Variants in ITGB1 observed in about 807,000 individuals in gnomAD.
ITGB1 encodes integrin subunit beta 1, also known as integrin beta-1.
A neutral mutation model predicts 86.5 loss-of-function variants in ITGB1; 24 were observed. The observed-to-expected ratio is 0.28, with a 90% CI of 0.20 to 0.39. The LOEUF (loss-of-function observed/expected upper bound fraction) is 0.39. Among genes scored for constraint, ITGB1 ranks in the 10% least tolerant of loss-of-function variants. The probability of loss-of-function intolerance (pLI) is 1.00; values close to 1 mark genes in which losing one functional copy is unlikely to be tolerated. For missense variants in ITGB1, 556 were observed against 946.9 expected (o/e 0.59, Z 5.42); for synonymous variants, 323 against 316.8 (o/e 1.02, Z -0.21).
At chr10:32,914,453 TA>T (rs1468203874) in intron 11 of ITGB1, among the ~76,000 whole-genome samples, 12 of 151,598 alleles carry the variant, frequency 7.9e-5, no homozygotes, top group East Asian at 3.9e-4. Flanking sequence ...AGGCTCAAAA[TA>T]AAGGGATGAA....
At chr10:32,935,758 G>A (rs2094999556) in intron 1 of ITGB1, 200 bp from the exon 2 acceptor site, 2 of 454,922 alleles carry the variant, frequency 4.4e-6, no homozygotes, top group Non-Finnish European at 7.9e-6. Context: ...CCTACACTGC[G>A]AAAATAACTT....
chr10:32,938,866 A>G (rs2095010831), intron 1 of ITGB1, among the ~76,000 whole-genome samples: 3 of 152,160 alleles, frequency 2.0e-5, no homozygotes, highest in Admixed American at 2.0e-4. Flanking sequence ...GGGGGCGGAG[A>G]GGAGACCACA....
At chr10:32,914,345 C>T (rs986640138) in intron 11 of ITGB1, among the ~76,000 whole-genome samples, 1 of 152,134 alleles carries the variant, frequency 6.6e-6, no homozygotes, top group Non-Finnish European at 1.5e-5. Context: ...GGGCAAAATG[C>T]TCCAATTAAA....
At chr10:32,944,745 T>C in intron 1 of ITGB1, 1 of 709,146 alleles carries the variant, frequency 1.4e-6, no homozygotes. Context: ...TTTGAGGTCA[T>C]TAAACAATGC....
In ITGB1 at chr10:32,911,667, T is replaced by C; in HGVS notation, c.1712A>G (p.Asn571Ser). 6.2e-7 allele frequency: 1 copy of C among 1,613,816 alleles called. No homozygotes were observed. The highest frequency in any genetic ancestry group is 1.7e-5 in the Admixed American group (1 of 60,024). Residue 571 changes from asparagine (N) to serine (S), a missense_variant, in exon 13 of 16, where the codon AAT (asparagine) becomes AGT (serine). By Grantham distance (46) the Asn-to-Ser change is conservative. Coordinates refer to ENST00000302278, the MANE Select transcript of ITGB1 (RefSeq NM_002211.4). ...ACACACACGACACTTGCAAACACCA[T>C]TTCCTGCAATTAAGCATATCATTTC... is the stretch of plus-strand genomic sequence containing the variant. ...DRSNGLICGG[N>S]GVCKCRVCEC...
At chr10:32,925,730 G>A (rs1026054283) in intron 6 of ITGB1, 141 bp downstream of exon 6, 8 of 651,666 alleles carry the variant, frequency 1.2e-5, no homozygotes, top group African/African-American at 9.2e-5. Context: ...GCAATTTAAG[G>A]GTTTACTTAA....
At chr10:32,907,516 G>A (rs1268001328) in intron 15 of ITGB1, among the ~76,000 whole-genome samples, 1 of 152,086 alleles carries the variant, frequency 6.6e-6, no homozygotes, top group Non-Finnish European at 1.5e-5. Context: ...AATTTTCATA[G>A]AGGAACATAC....
intron 3 of ITGB1, among the ~76,000 whole-genome samples, chr10:32,930,782 T>C (rs988023114): frequency 6.6e-6 from 1 of 152,150 alleles, no homozygotes; most frequent in African/African-American, 2.4e-5. Flanking sequence ...TTTGCAGTAG[T>C]AAAATTTCTA....
chr10:32,910,260 C>T lies in ITGB1; in HGVS notation c.2127G>A (p.Gly709=), dbSNP rs200491650. 1.9e-5 allele frequency: 30 copies of T among 1,606,782 alleles called. No homozygotes were observed. In the South Asian group the frequency reaches 2.5e-4, roughly 14 times the overall value. The change falls in exon 14 of 16, where the codon GGG becomes GGA. Residue 709 remains glycine (G), a synonymous_variant. Coordinates refer to ENST00000302278, the MANE Select transcript of ITGB1 (RefSeq NM_002211.4). ...CWFYFTYSVN[G]NNEVMVHVVE... is the part of the protein sequence containing the mutation. Reference sequence around the variant, plus strand: ...CAACATGAACCATGACCTCGTTGTTCCCATTCACTGAATACGTAAAATAGA... The same window carrying T: ...CAACATGAACCATGACCTCGTTGTTTCCATTCACTGAATACGTAAAATAGA...
intron 9 of ITGB1, 27 bp from the exon 10 acceptor site, chr10:32,920,412 G>A (rs369910196): frequency 7.5e-6 from 12 of 1,604,616 alleles, no homozygotes; most frequent in Non-Finnish European, 1.0e-5. Context: ...TTATACACAG[G>A]AAAAGTCAAA....
At chr10:32,950,564 A>G (rs774942655) in intron 1 of ITGB1, among the ~76,000 whole-genome samples, 1 of 152,176 alleles carries the variant, frequency 6.6e-6, no homozygotes, top group Non-Finnish European at 1.5e-5. Flanking sequence ...ATAGAGAAGA[A>G]AAAAAAGGAG....
At chr10:32,902,039 C>T (rs2094883319) in intron 15 of ITGB1, among the ~76,000 whole-genome samples, 1 of 152,112 alleles carries the variant, frequency 6.6e-6, no homozygotes, top group Non-Finnish European at 1.5e-5. Context: ...GAACAGAAGG[C>T]GCCTGCTAAT....
At chr10:32,916,680 C>T (rs1034405722) in intron 11 of ITGB1, among the ~76,000 whole-genome samples, 4 of 151,886 alleles carry the variant, frequency 2.6e-5, no homozygotes, top group African/African-American at 4.8e-5. Flanking sequence ...CACTGCTCAA[C>T]GAAATAAAAG....
At chr10:32,909,255 C>CA (rs1439928488) in intron 14 of ITGB1, among the ~76,000 whole-genome samples, 1 of 152,142 alleles carries the variant, frequency 6.6e-6, no homozygotes, top group Non-Finnish European at 1.5e-5. Context: ...GGAGAAAAGA[C>CA]AGTCTTTTTT....
At chr10:32,949,371 C>T (rs2095038433) in intron 1 of ITGB1, among the ~76,000 whole-genome samples, 1 of 152,130 alleles carries the variant, frequency 6.6e-6, no homozygotes, top group South Asian at 2.1e-4. Context: ...TACTTAATCA[C>T]TATTTTAAAA....
chr10:32,941,537 C>T (rs1402695778), intron 1 of ITGB1, among the ~76,000 whole-genome samples: 1 of 151,986 alleles, frequency 6.6e-6, no homozygotes, highest in Non-Finnish European at 1.5e-5. Context: ...AGCCAAATAC[C>T]ATCCATGCTA....
intron 15 of ITGB1, 100 bp downstream of exon 15, chr10:32,908,268 A>G: frequency 8.7e-7 from 1 of 1,150,404 alleles, no homozygotes; most frequent in South Asian, 1.3e-5. Context: ...AAATACTTAG[A>G]AAGGACTTTA....
chr10:32,937,554 C>CAAAAAAAAA lies in ITGB1; in HGVS notation c.1-2005_1-1997dup, dbSNP rs56280552. On this transcript the variant is annotated intron_variant, in intron 1 of 15. Coordinates refer to ENST00000302278, the MANE Select transcript of ITGB1 (RefSeq NM_002211.4). ...CTGGCGAAAGAGCGAGACTCCGTCTCAAAAAAAAAAAAAAAAAAAAAAAAG... is the reference window on the plus strand; with the variant it reads ...CTGGCGAAAGAGCGAGACTCCGTCTCAAAAAAAAAAAAAAAAAAAAAAAAAAAAAAAAAG... Among the ~76,000 whole-genome samples, 218 of 91,842 alleles carry CAAAAAAAAA rather than the reference C, an allele frequency of 2.4e-3. 6 individuals are homozygous for CAAAAAAAAA. Among genetic ancestry groups the CAAAAAAAAA allele is most frequent in the South Asian group, 6.2e-3 (15 of 2,408 alleles). The allele number at this position is 91,842 out of a possible 152,430, so 60.3% of individuals were successfully genotyped here.
chr10:32,905,078 A>G (rs2094892432), intron 15 of ITGB1, among the ~76,000 whole-genome samples: 1 of 151,998 alleles, frequency 6.6e-6, no homozygotes, highest in African/African-American at 2.4e-5. Flanking sequence ...GTCATTGGCT[A>G]ATCAGTTTTC....
Sources: allele counts gnomAD v4.1 joint callset (sites outside exome capture counted in the v4.1 genomes callset), GRCh38; gene constraint gnomAD v4.1.1; transcripts MANE v1.5; gene names NCBI Gene and HGNC (gene_info 2026-07-23, HGNC 2026-07-21).